Variants in DLGAP2 observed in about 807,000 individuals in gnomAD.
DLGAP2 encodes the protein DLG associated protein 2, also known as disks large-associated protein 2.
DLGAP2 carries 26 observed loss-of-function variants against 100.3 expected under a neutral mutation model. The observed-to-expected ratio is 0.26, with a 90% CI of 0.19 to 0.36. The LOEUF is 0.36. Ranked by LOEUF, DLGAP2 falls within the 10% of genes least tolerant of loss-of-function variation. The pLI is 1.00. For missense variants in DLGAP2, 1,858 were observed against 1,453.2 expected, an observed-to-expected ratio of 1.28 and a Z score of -4.53; for synonymous variants, 886 against 630.1, an observed-to-expected ratio of 1.41 and a Z score of -6.08.
intron 2 of DLGAP2, among the ~76,000 whole-genome samples, chr8:1,167,338 C>T (rs1031142380): frequency 1.3e-5 from 2 of 152,318 alleles, no homozygotes; most frequent in Non-Finnish European, 2.9e-5. Context: ...CCAGTACACA[C>T]TGCAGGGCAG....
chr8:801,666 C>T (rs1004025608), intron 1 of DLGAP2, among the ~76,000 whole-genome samples: 5 of 152,118 alleles, frequency 3.3e-5, no homozygotes, highest in African/African-American at 1.2e-4. Context: ...TCCTGTGCAG[C>T]GGGCTTCCTG....
At chr8:786,510 T>C (rs1378386816) in intron 1 of DLGAP2, among the ~76,000 whole-genome samples, 1 of 152,130 alleles carries the variant, frequency 6.6e-6, no homozygotes, top group African/African-American at 2.4e-5. Flanking sequence ...TGTAAAAAGC[T>C]TGAAGCAGCC....
chr8:902,106 A>T (rs1243657815), intron 1 of DLGAP2, among the ~76,000 whole-genome samples: 1 of 152,204 alleles, frequency 6.6e-6, no homozygotes, highest in East Asian at 1.9e-4. Flanking sequence ...GTTGCGCCAG[A>T]AGCAAGACAC....
chr8:1,050,899 T>C (rs1802660097), intron 2 of DLGAP2, among the ~76,000 whole-genome samples: 1 of 151,390 alleles, frequency 6.6e-6, no homozygotes. Context: ...CTATGGGCCT[T>C]AGATCGAGAG....
At chr8:1,140,398 A>G (rs939746050) in intron 2 of DLGAP2, among the ~76,000 whole-genome samples, 11 of 146,738 alleles carry the variant, frequency 7.5e-5, no homozygotes, top group Non-Finnish European at 1.7e-4. Context: ...TCCATGCCTC[A>G]TGCCCTAGGG....
intron 3 of DLGAP2, among the ~76,000 whole-genome samples, chr8:1,424,888 A>G (rs1797197250): frequency 6.6e-6 from 1 of 152,176 alleles, no homozygotes; most frequent in African/African-American, 2.4e-5. Flanking sequence ...GAGAATGAGG[A>G]GGGCTGTTTA....
At chr8:1,412,137 C>T (rs1258424837) in intron 3 of DLGAP2, among the ~76,000 whole-genome samples, 3 of 152,216 alleles carry the variant, frequency 2.0e-5, no homozygotes, top group Non-Finnish European at 4.4e-5. Flanking sequence ...TCTCCCTCCT[C>T]CTCACCTGTG....
intron 1 of DLGAP2, among the ~76,000 whole-genome samples, chr8:832,642 T>G (rs577387615): frequency 2.0e-5 from 3 of 152,274 alleles, no homozygotes; most frequent in Non-Finnish European, 4.4e-5. Flanking sequence ...CTGTCACTTT[T>G]CTTTTGCACT....
rs1320055123 is a variant in DLGAP2 at position 1,668,587 on chromosome 8, A to G, written c.2069A>G (p.Gln690Arg). 3.1e-6 allele frequency: 5 copies of G among 1,598,048 alleles called. No homozygotes were observed. The highest frequency in any genetic ancestry group is 3.4e-6 in the Non-Finnish European group (4 of 1,173,300). Residue 690 changes from glutamine (Q) to arginine (R), a missense_variant, in exon 9 of 15, where the codon CAG (glutamine) becomes CGG (arginine). Physicochemically the swap from Gln to Arg is conservative, Grantham distance 43 (BLOSUM62 1). Transcript: ENST00000637795. ...AAAQRHLPESQSSSVRTSDKA... is the reference protein window; with the variant it reads ...AAAQRHLPESRSSSVRTSDKA... The stretch of plus-strand genomic sequence containing the variant: ...GCCCAGCGCCACCTGCCAGAGAGCC[A>G]GAGCAGCTCTGTGCGGACCAGCGAC...
chr8:1,683,844 A>G (rs1799025162), intron 12 of DLGAP2, among the ~76,000 whole-genome samples: 1 of 68,026 alleles, frequency 1.5e-5, no homozygotes, highest in Middle Eastern at 6.1e-3. Context: ...CTATATATAT[A>G]TATATATATA....
intron 3 of DLGAP2, among the ~76,000 whole-genome samples, chr8:1,340,249 A>G (rs999555090): frequency 1.3e-5 from 2 of 152,360 alleles, no homozygotes; most frequent in African/African-American, 4.8e-5. Context: ...ATTTAATTAA[A>G]CTAAGGAGCT....
intron 1 of DLGAP2, chr8:740,369 T>G (rs75031700): frequency 1.3e-5 from 2 of 152,246 alleles, no homozygotes; most frequent in Non-Finnish European, 2.9e-5. Flanking sequence ...TGTATTTATT[T>G]ACCAACTTTT....
intron 3 of DLGAP2, among the ~76,000 whole-genome samples, chr8:1,284,075 T>A (rs1205504314): frequency 6.6e-6 from 1 of 152,208 alleles, no homozygotes; most frequent in Non-Finnish European, 1.5e-5. Context: ...GAAAAGTTCT[T>A]TCAAAATTAC....
chr8:1,672,661 A>C (rs987577753), intron 10 of DLGAP2, among the ~76,000 whole-genome samples: 3 of 152,206 alleles, frequency 2.0e-5, no homozygotes, highest in African/African-American at 7.2e-5. Flanking sequence ...CCAGGCACAC[A>C]GGCAGCTGCT....
chr8:1,361,919 C>G (rs1490890934), intron 3 of DLGAP2, among the ~76,000 whole-genome samples: 1 of 152,190 alleles, frequency 6.6e-6, no homozygotes, highest in Non-Finnish European at 1.5e-5. Flanking sequence ...CTGTGCTGCC[C>G]CAGCCTGGCA....
chr8:1,277,803 G>A (rs1004279512), intron 3 of DLGAP2, among the ~76,000 whole-genome samples: 3 of 152,110 alleles, frequency 2.0e-5, no homozygotes, highest in Admixed American at 6.5e-5. Context: ...TTCTCCGCAC[G>A]TTTCTCTAAG....
chr8:1,433,408 C>A (rs570977518), intron 3 of DLGAP2, among the ~76,000 whole-genome samples: 1 of 152,190 alleles, frequency 6.6e-6, no homozygotes, highest in Non-Finnish European at 1.5e-5. Context: ...GCTGCGGTGG[C>A]CAGGCCCAAG....
At chr8:1,375,380 C>T (rs1585313416) in intron 3 of DLGAP2, among the ~76,000 whole-genome samples, 1 of 54,222 alleles carries the variant, frequency 1.8e-5, no homozygotes, top group Admixed American at 1.8e-4. Flanking sequence ...CCCCCACCTC[C>T]TACATTTGGG....
In DLGAP2 at chr8:1,601,598, A is replaced by G. The variant is rs1057137447; in HGVS notation, c.1443-25142A>G. ...GAGAGCAGTTTTACAGGCTTTTTAC[A>G]GACAGATCAGACCGAGTCCCTGAAA... On this transcript the variant is annotated intron_variant, in intron 6 of 14. Coordinates refer to ENST00000637795, the MANE Select transcript of DLGAP2 (RefSeq NM_001346810.2). Among the ~76,000 whole-genome samples the G allele has an allele frequency of 4.4e-5, 6 of 135,114 alleles. No individual in the cohort carries two copies. In the East Asian group the frequency reaches 1.6e-3, roughly 37 times the overall value. The allele number at this position is 135,114 out of a possible 152,430, so 88.6% of individuals were successfully genotyped here. A position where few individuals can be genotyped will look rare whatever the true frequency, so the allele number is the denominator to read the frequency against.
Sources: gnomAD v4.1 joint callset for allele counts (sites outside exome capture counted in the v4.1 genomes callset) on GRCh38, gnomAD v4.1.1 for gene constraint, MANE v1.5 for transcripts, NCBI Gene and HGNC (gene_info 2026-07-23, HGNC 2026-07-21) for gene names.